ERMAP: variants seen among roughly 807,000 people sequenced by gnomAD.
The protein encoded by ERMAP is erythroblast membrane associated protein (Scianna blood group).
ERMAP carries 34 observed loss-of-function variants against 49.5 expected under a neutral mutation model. The ratio of observed to expected loss-of-function variants is 0.69; its 90% CI spans 0.52 to 0.91. ERMAP has a LOEUF of 0.91. Ranked by LOEUF, ERMAP falls within the 40% of genes least tolerant of loss-of-function variation. The pLI, the probability that ERMAP is intolerant of heterozygous loss-of-function variation, is 0.00. For missense variants in ERMAP, 541 were observed against 582.6 expected (o/e 0.93, Z 0.74); for synonymous variants, 214 against 232.2 (o/e 0.92, Z 0.71).
chr1:42,827,874 C>CTGAAGTGT (rs1431905826), intron 2 of ERMAP, among the ~76,000 whole-genome samples: 2 of 152,038 alleles, frequency 1.3e-5, no homozygotes, highest in Non-Finnish European at 2.9e-5. Context: ...GCATGGTACC[C>CTGAAGTGT]TGAAGTGTGT....
rs1654675061 is a variant in ERMAP at position 42,830,191 on chromosome 1, C to T, written c.-5-253C>T. The stretch of plus-strand genomic sequence containing the variant: ...ACGCCAGCCTCTGTGTGAGCATTTA[C>T]CTCTTTCAACCCTCACCATAATCCC... On this transcript the variant is annotated intron_variant, in intron 2 of 11. Coordinates refer to ENST00000372517, the MANE Select transcript of ERMAP (RefSeq NM_001017922.2). 1.8e-5 allele frequency: 9 copies of T among 512,938 alleles called. No homozygotes were observed. The South Asian group carries it at 2.1e-4, about 12-fold the overall frequency. 31.8% of individuals were successfully genotyped at this position (512,938 alleles called of 1,614,324 possible).
chr1:42,843,909 C>T lies in ERMAP; in HGVS notation c.*677C>T, dbSNP rs1655140959. 1.3e-5 allele frequency: 5 copies of T among 396,622 alleles called. No individual in the cohort carries two copies. Among genetic ancestry groups the T allele is most frequent in the Non-Finnish European group, 1.3e-5 (3 of 225,356 alleles). 24.6% of individuals were successfully genotyped at this position (396,622 alleles called of 1,614,324 possible). On this transcript the variant is annotated 3_prime_UTR_variant, in exon 12 of 12. Transcript: ENST00000372517. ...GGTACAGCGACTTTAAATACAGTTGCTATAATCCTGAAAAGCCCCAGGAGC... is the reference window on the plus strand; with the variant it reads ...GGTACAGCGACTTTAAATACAGTTGTTATAATCCTGAAAAGCCCCAGGAGC...
intron 1 of ERMAP, among the ~76,000 whole-genome samples, chr1:42,818,864 GATT>G (rs1408267909): frequency 2.6e-5 from 4 of 152,134 alleles, no homozygotes; most frequent in African/African-American, 9.7e-5. Context: ...ATGCTGATTC[GATT>G]ATTATTAATA....
At chr1:42,825,768 T>C (rs1654526954) in intron 2 of ERMAP, 30 bp downstream of exon 2, 1 of 1,289,058 alleles carries the variant, frequency 7.8e-7, no homozygotes, top group Admixed American at 2.3e-5. Context: ...TTCATGCTTT[T>C]TAGTCCTTTA....
Position 42,825,673 on chromosome 1 carries a change from G to A in ERMAP, c.-71G>A. On this transcript the variant is annotated 5_prime_UTR_variant, in exon 2 of 12. In the 5' UTR this introduces an upstream ATG that the reference lacks. Coordinates refer to ENST00000372517, the MANE Select transcript of ERMAP (RefSeq NM_001017922.2). ...CCTGGTCTCTCTGCATGGGGAAGGAGTGTTCCCAGCTTGCAAACTCCAGCT... is the reference window on the plus strand; with the variant it reads ...CCTGGTCTCTCTGCATGGGGAAGGAATGTTCCCAGCTTGCAAACTCCAGCT... The A allele has an allele frequency of 7.8e-7, 1 of 1,289,434 alleles. No individual in the cohort carries two copies. 79.9% of individuals were successfully genotyped at this position (1,289,434 alleles called of 1,614,324 possible).
chr1:42,822,265 C>A (rs1018115361), intron 1 of ERMAP, among the ~76,000 whole-genome samples: 3 of 151,880 alleles, frequency 2.0e-5, no homozygotes, highest in African/African-American at 7.3e-5. Flanking sequence ...CTCACTGCAA[C>A]CTCCACCTCC....
At position 42,843,362 on chromosome 1, in the gene ERMAP, A is replaced by G; in HGVS notation, c.*130A>G. ...AAATCCAGACCCTTTTGTGGTTTCT[A>G]TTTGTACCACTTTTCTCCCAGGCCT... On this transcript the variant is annotated 3_prime_UTR_variant, in exon 12 of 12. Coordinates refer to ENST00000372517, the MANE Select transcript of ERMAP (RefSeq NM_001017922.2). 1.6e-6 allele frequency: 1 copy of G among 629,860 alleles called. No individual in the cohort carries two copies. The highest frequency in any genetic ancestry group is 2.9e-5 in the East Asian group (1 of 34,360). The allele number at this position is 629,860 out of a possible 1,614,324, so 39.0% of individuals were successfully genotyped here. A position where few individuals can be genotyped will look rare whatever the true frequency, so the allele number is the denominator to read the frequency against.
At chr1:42,825,789 G>T (rs1654527513) in intron 2 of ERMAP, 51 bp downstream of exon 2, 1 of 1,288,080 alleles carries the variant, frequency 7.8e-7, no homozygotes, top group Admixed American at 2.3e-5. Context: ...ACTTTCTCAG[G>T]ATCCTCAGGT....
rs374560730 is a variant in ERMAP at position 42,840,866 on chromosome 1, A to G, written c.712+570A>G. Among the ~76,000 whole-genome samples, 4 of 152,172 alleles carry G rather than the reference A, an allele frequency of 2.6e-5. 1 individual carries two copies. The highest frequency in any genetic ancestry group is 6.5e-5 in the Admixed American group (1 of 15,288). On this transcript the variant is annotated intron_variant, in intron 11 of 11. Coordinates refer to ENST00000372517, the MANE Select transcript of ERMAP (RefSeq NM_001017922.2). ...CCACTGCTTCCGCCTCTTTCTACAC[A>G]TTTGCTTTTTCTTCTTTCTCTGCAG...
chr1:42,834,696 C>T, intron 4 of ERMAP: 1 of 235,756 alleles, frequency 4.2e-6, no homozygotes, highest in Non-Finnish European at 8.5e-6. Flanking sequence ...GCTGGGATTA[C>T]AGGTGCCCGC....
intron 11 of ERMAP, chr1:42,842,024 A>G (rs1375525524): frequency 6.3e-6 from 1 of 158,354 alleles, no homozygotes; most frequent in African/African-American, 2.4e-5. Flanking sequence ...CTGGAAGAAC[A>G]GAAGGGCAAG....
In ERMAP at chr1:42,843,151, C is replaced by CT; in HGVS notation, c.1347_1348insT (p.Pro450SerfsTer13). 1 of 1,614,122 alleles carries CT rather than the reference C, an allele frequency of 6.2e-7. No homozygotes were observed. The highest frequency in any genetic ancestry group is 1.1e-5 in the South Asian group (1 of 91,086). ...ACTCTTCTTTACTACCCCCGAAGGC[C>CT]CCAGAGCTGAAGGATATAATCCTGT... On this transcript the variant is annotated frameshift_variant, in exon 12 of 12. Coordinates refer to ENST00000372517, the MANE Select transcript of ERMAP (RefSeq NM_001017922.2). LOFTEE classifies it high-confidence loss of function.
Position 42,842,832 on chromosome 1 carries a change from C to T in ERMAP, c.1028C>T (p.Thr343Ile). ...QSRGNEYEAL[T>I]SPQTSFRLKE... ...CGTGGGAATGAGTATGAAGCTCTCACATCCCCGCAGACCTCCTTCCGCCTT... is the reference window on the plus strand; with the variant it reads ...CGTGGGAATGAGTATGAAGCTCTCATATCCCCGCAGACCTCCTTCCGCCTT... The change falls in exon 12 of 12, where the codon ACA (threonine) becomes ATA (isoleucine). Residue 343 changes from threonine (T) to isoleucine (I), a missense_variant. Transcript: ENST00000372517. The T allele has an allele frequency of 6.2e-7, 1 of 1,614,224 alleles. No homozygotes were observed. Among genetic ancestry groups the T allele is most frequent in the Non-Finnish European group, 8.5e-7 (1 of 1,180,032 alleles).
intron 3 of ERMAP, 48 bp downstream of exon 3, chr1:42,830,581 C>T (rs367865755): frequency 8.9e-6 from 14 of 1,579,312 alleles, no homozygotes; most frequent in Admixed American, 8.3e-5. Flanking sequence ...GTGATATTGG[C>T]GTCCCCAGAA....
chr1:42,817,384 C>T, intron 1 of ERMAP, 131 bp downstream of exon 1: 1 of 488,918 alleles, frequency 2.0e-6, no homozygotes, highest in South Asian at 3.7e-5. Context: ...GCAGGAGCGG[C>T]CGCGCGTGCG....
chr1:42,840,508 G>A (rs907366733), intron 11 of ERMAP, among the ~76,000 whole-genome samples: 3 of 152,126 alleles, frequency 2.0e-5, no homozygotes, highest in Non-Finnish European at 4.4e-5. Flanking sequence ...TTAGAGCACT[G>A]ATAATATTAG....
intron 1 of ERMAP, among the ~76,000 whole-genome samples, chr1:42,820,857 A>G (rs1457668336): frequency 1.3e-5 from 2 of 152,200 alleles, no homozygotes; most frequent in South Asian, 2.1e-4. Flanking sequence ...TCCTCAGACA[A>G]TAACAGCTAC....
rs1352396980 is a variant in ERMAP at position 42,817,268 on chromosome 1, C to A, written c.-122+15C>A. 2 of 1,241,068 alleles carry A rather than the reference C, an allele frequency of 1.6e-6. No homozygotes were observed. Among genetic ancestry groups the A allele is most frequent in the Non-Finnish European group, 2.1e-6 (2 of 964,242 alleles). The allele number at this position is 1,241,068 out of a possible 1,614,324, so 76.9% of individuals were successfully genotyped here. On this transcript the variant is annotated intron_variant, in intron 1 of 11. Coordinates refer to ENST00000372517, the MANE Select transcript of ERMAP (RefSeq NM_001017922.2). ...CCTCCGGGAGGGTAATCCTCGCCTT[C>A]CCCCGACCACTGGACCCAGCGCTGC...
At position 42,831,015 on chromosome 1, in the gene ERMAP, G is replaced by A. The variant is rs1406221934; in HGVS notation, c.333G>A (p.Leu111=). ...ATGCCCAAGAGGGAAGTGTCACTCT[G>A]CAGATCCTTGACGTGCGCCTTGAGG... ...VRDAQEGSVT[L]QILDVRLEDQ... The change falls in exon 4 of 12, where the codon CTG becomes CTA. Residue 111 remains leucine, a synonymous_variant. Coordinates refer to ENST00000372517, the MANE Select transcript of ERMAP (RefSeq NM_001017922.2). 1 of 1,614,234 alleles carries A rather than the reference G, an allele frequency of 6.2e-7. No homozygotes were observed. The highest frequency in any genetic ancestry group is 2.2e-5 in the East Asian group (1 of 44,888).
Sources: gnomAD v4.1 joint callset for allele counts (sites outside exome capture counted in the v4.1 genomes callset) on GRCh38, gnomAD v4.1.1 for gene constraint, MANE v1.5 for transcripts, NCBI Gene and HGNC (gene_info 2026-07-23, HGNC 2026-07-21) for gene names.